The following COTL1 variants were observed in gnomAD, a reference collection of about 807,000 sequenced individuals.
COTL1 encodes the protein coactosin-like protein.
A neutral mutation model predicts 16.5 loss-of-function variants in COTL1; 15 were observed. The ratio of observed to expected loss-of-function variants is 0.91; its 90% CI spans 0.61 to 1.40. The LOEUF (loss-of-function observed/expected upper bound fraction) is 1.40. Ranked by LOEUF, COTL1 falls within the 40% of genes most tolerant of loss-of-function variation. COTL1 has a pLI of 0.00. For synonymous variants in COTL1, 112 were observed against 85.3 expected, an observed-to-expected ratio of 1.31 and a Z score of -1.73; for missense variants, 220 against 201.5, an observed-to-expected ratio of 1.09 and a Z score of -0.56.
intron 3 of COTL1, among the ~76,000 whole-genome samples, chr16:84,587,911 A>T (rs931439759): frequency 6.6e-6 from 1 of 151,968 alleles, no homozygotes; most frequent in Admixed American, 6.6e-5. Flanking sequence ...AGGTGGGATT[A>T]CAGGTGCCCA....
chr16:84,616,356 A>C (rs974469928), intron 2 of COTL1: 1 of 152,162 alleles, frequency 6.6e-6, no homozygotes, highest in Non-Finnish European at 1.5e-5. Context: ...ACAAAAAATT[A>C]GCCAGGCGTG....
At chr16:84,574,546 G>A (rs1904408763) in intron 3 of COTL1, among the ~76,000 whole-genome samples, 1 of 152,228 alleles carries the variant, frequency 6.6e-6, no homozygotes, top group Non-Finnish European at 1.5e-5. Context: ...CTGCTTGAAT[G>A]GTTTGGAATT....
At chr16:84,614,015 C>T (rs540857605) in intron 2 of COTL1, among the ~76,000 whole-genome samples, 2 of 152,186 alleles carry the variant, frequency 1.3e-5, no homozygotes, top group Admixed American at 6.5e-5. Flanking sequence ...AACCTCCCCC[C>T]TCCCCGCAAG....
At chr16:84,583,783 A>G (rs533861694) in intron 3 of COTL1, among the ~76,000 whole-genome samples, 1 of 152,256 alleles carries the variant, frequency 6.6e-6, no homozygotes, top group East Asian at 1.9e-4. Flanking sequence ...AGAAGCTATC[A>G]GAATAGACTC....
chr16:84,604,850 C>T (rs934834614), intron 2 of COTL1, among the ~76,000 whole-genome samples: 1 of 152,226 alleles, frequency 6.6e-6, no homozygotes, highest in Non-Finnish European at 1.5e-5. Flanking sequence ...CTTTTATTTG[C>T]AAGCCATGAA....
chr16:84,590,629 T>C lies in COTL1; in HGVS notation c.161-367A>G, dbSNP rs1486436425. 5.7e-6 allele frequency: 1 copy of C among 174,010 alleles called. No homozygotes were observed. Among genetic ancestry groups the C allele is most frequent in the East Asian group, 1.6e-4 (1 of 6,406 alleles). The allele number at this position is 174,010 out of a possible 1,614,324, so 10.8% of individuals were successfully genotyped here. A position where few individuals can be genotyped will look rare whatever the true frequency, so the allele number is the denominator to read the frequency against. Reference sequence around the variant, plus strand: ...CTTCCTACAATCAAGGCTCAAAGTCTGGGTGGGCCCATTGCACAGATGTGG... The same window carrying C: ...CTTCCTACAATCAAGGCTCAAAGTCCGGGTGGGCCCATTGCACAGATGTGG... On this transcript the variant is annotated intron_variant, in intron 2 of 3. Transcript: ENST00000262428. This position sits in a 1 kb window ranked among gnomAD's most constrained non-coding sequence, Gnocchi z 5.5.
intron 2 of COTL1, among the ~76,000 whole-genome samples, chr16:84,610,864 A>G (rs1905307263): frequency 7.3e-6 from 1 of 136,906 alleles, no homozygotes; most frequent in African/African-American, 2.5e-5. Flanking sequence ...CCTGCCTCCA[A>G]CCAAGCATCT....
chr16:84,566,882 T>G lies in COTL1; in HGVS notation c.392A>C (p.Lys131Thr). 6.2e-7 allele frequency: 1 copy of G among 1,612,940 alleles called. No individual in the cohort carries two copies. Among genetic ancestry groups the G allele is most frequent in the South Asian group, 1.1e-5 (1 of 91,030 alleles). The change falls in exon 4 of 4, where the codon AAG becomes ACG. Residue 131 changes from lysine to threonine, a missense_variant. By Grantham distance (78) the Lys-to-Thr change is moderately conservative. Coordinates refer to ENST00000262428, the MANE Select transcript of COTL1 (RefSeq NM_021149.5). The stretch of plus-strand genomic sequence containing the variant: ...GGCGTCGTAATTGGCTCCCCCCGCC[T>G]TCTTCAGCTCGCTCTTGATGAAATC... The part of the protein sequence containing the change: ...EEDFIKSELK[K>T]AGGANYDAQT...
chr16:84,576,675 A>T (rs931537081), intron 3 of COTL1: 3 of 152,254 alleles, frequency 2.0e-5, no homozygotes, highest in African/African-American at 7.2e-5. Context: ...CCCACCAGTC[A>T]TCCAGGGATC....
At chr16:84,602,428 A>G (rs1315683100) in intron 2 of COTL1, among the ~76,000 whole-genome samples, 1 of 152,026 alleles carries the variant, frequency 6.6e-6, no homozygotes, top group Non-Finnish European at 1.5e-5. Context: ...AAAAAAGAAT[A>G]AAACCAATTC....
At chr16:84,583,188 G>A (rs1904639364) in intron 3 of COTL1, among the ~76,000 whole-genome samples, 1 of 152,122 alleles carries the variant, frequency 6.6e-6, no homozygotes, top group African/African-American at 2.4e-5. Flanking sequence ...CAAGCACCCG[G>A]ACCTTGAGCA....
At chr16:84,584,769 T>C (rs28571773) in intron 3 of COTL1, among the ~76,000 whole-genome samples, 4,741 of 152,264 alleles carry the variant, frequency 0.031, 257 homozygotes, top group African/African-American at 0.11. Flanking sequence ...ATTAAGACAT[T>C]GTTCTAAGCA....
At chr16:84,615,876 T>TGTGTGTGTGTGTGCGC (rs755850381) in intron 2 of COTL1, 4 of 149,942 alleles carry the variant, frequency 2.7e-5, no homozygotes, top group African/African-American at 9.8e-5. Context: ...TGTGTGTGTG[T>TGTGTGTGTGTGTGCGC]GCGCGCACGC....
chr16:84,613,887 T>C (rs938429565), intron 2 of COTL1, among the ~76,000 whole-genome samples: 1 of 149,290 alleles, frequency 6.7e-6, no homozygotes, highest in South Asian at 2.2e-4. Context: ...AGAGTCTCCA[T>C]GATTGGTCTA....
intron 3 of COTL1, among the ~76,000 whole-genome samples, chr16:84,571,040 A>T (rs79138107): frequency 2.1e-3 from 322 of 151,786 alleles, no homozygotes; most frequent in African/African-American, 7.3e-3. Context: ...GACCATGGCC[A>T]TGCTCTAGGC....
chr16:84,596,377 C>T (rs1259775433), intron 2 of COTL1: 1 of 152,272 alleles, frequency 6.6e-6, no homozygotes. Flanking sequence ...CCTCAGTTTC[C>T]TCATCCACAA....
intron 2 of COTL1, among the ~76,000 whole-genome samples, chr16:84,611,570 C>G (rs537043822): frequency 6.6e-6 from 1 of 152,182 alleles, no homozygotes; most frequent in African/African-American, 2.4e-5. Flanking sequence ...CGAGGACAGG[C>G]GCCTTTTCTG....
At chr16:84,577,587 G>C (rs947070326) in intron 3 of COTL1, among the ~76,000 whole-genome samples, 15 of 152,152 alleles carry the variant, frequency 9.9e-5, no homozygotes, top group African/African-American at 3.6e-4. Flanking sequence ...ATAGATAAAG[G>C]GAAAAACTAA....
intron 3 of COTL1, among the ~76,000 whole-genome samples, chr16:84,574,773 G>A (rs1008420590): frequency 8.6e-5 from 13 of 151,898 alleles, no homozygotes; most frequent in African/African-American, 2.9e-4. Flanking sequence ...TAGTAGAGAC[G>A]GGGTTTCACC....
Sources: gnomAD v4.1 joint callset for allele counts (sites outside exome capture counted in the v4.1 genomes callset) on GRCh38, gnomAD v4.1.1 for gene constraint, Gnocchi (gnomAD v3.1) non-coding constraint, MANE v1.5 for transcripts, NCBI Gene and HGNC (gene_info 2026-07-23, HGNC 2026-07-21) for gene names.